ADAMTSL1: variants seen among roughly 807,000 people sequenced by gnomAD.
The protein encoded by ADAMTSL1 is ADAMTS like 1, also known as ADAMTS-like protein 1.
ADAMTSL1 carries 126 observed loss-of-function variants against 201.8 expected under a neutral mutation model. That is an observed-to-expected ratio of 0.62 (90% CI 0.54 to 0.72). The LOEUF (loss-of-function observed/expected upper bound fraction) is 0.72, where lower values mean the gene tolerates loss of function less well. Ranked by LOEUF, ADAMTSL1 falls within the 30% of genes least tolerant of loss-of-function variation. The pLI is 0.00. For missense variants in ADAMTSL1, 2,679 were observed against 2,277.8 expected (o/e 1.18, Z -3.59); for synonymous variants, 1,121 against 903.4 (o/e 1.24, Z -4.32).
intron 13 of ADAMTSL1, among the ~76,000 whole-genome samples, chr9:18,698,370 A>G (rs1223031593): frequency 6.6e-6 from 1 of 151,678 alleles, no homozygotes; most frequent in African/African-American, 2.4e-5. Context: ...TGCAACCTCC[A>G]CCTCCTGAGT....
chr9:18,192,706 T>C (rs1829017022), intron 2 of ADAMTSL1, among the ~76,000 whole-genome samples: 1 of 152,018 alleles, frequency 6.6e-6, no homozygotes, highest in Admixed American at 6.6e-5. Context: ...TCAAAAAACA[T>C]TTACAGTACT....
chr9:18,219,286 T>C (rs1830167347), intron 2 of ADAMTSL1, among the ~76,000 whole-genome samples: 1 of 151,822 alleles, frequency 6.6e-6, no homozygotes, highest in Non-Finnish European at 1.5e-5. Flanking sequence ...GGATAACTGC[T>C]ATCTTCATGA....
chr9:18,656,874 A>T (rs376025239), intron 7 of ADAMTSL1, among the ~76,000 whole-genome samples: 1 of 151,934 alleles, frequency 6.6e-6, no homozygotes, highest in African/African-American at 2.4e-5. Flanking sequence ...TCTTCAGTTT[A>T]TGTTTTCTCA....
At chr9:18,252,930 A>C (rs1480604087) in intron 2 of ADAMTSL1, among the ~76,000 whole-genome samples, 1 of 152,218 alleles carries the variant, frequency 6.6e-6, no homozygotes, top group Non-Finnish European at 1.5e-5. Context: ...CATATGTTAC[A>C]CTATGTTTAT....
chr9:18,324,562 T>C (rs1834752529), intron 2 of ADAMTSL1, among the ~76,000 whole-genome samples: 1 of 151,964 alleles, frequency 6.6e-6, no homozygotes, highest in Non-Finnish European at 1.5e-5. Flanking sequence ...GTTGGGAGTT[T>C]GAAACCAGCC....
At chr9:18,231,750 C>A (rs1418699812) in intron 2 of ADAMTSL1, among the ~76,000 whole-genome samples, 1 of 152,220 alleles carries the variant, frequency 6.6e-6, no homozygotes, top group African/African-American at 2.4e-5. Flanking sequence ...TCTGGATCTT[C>A]TCCCCATGTC....
chr9:18,466,442 G>A (rs1821008879), intron 2 of ADAMTSL1, among the ~76,000 whole-genome samples: 1 of 152,038 alleles, frequency 6.6e-6, no homozygotes, highest in South Asian at 2.1e-4. Context: ...ATAATTTCAA[G>A]TAGGAAAGAT....
chr9:18,094,441 C>T (rs903397369), intron 1 of ADAMTSL1, among the ~76,000 whole-genome samples: 4 of 152,160 alleles, frequency 2.6e-5, no homozygotes, highest in African/African-American at 7.2e-5. Context: ...CTCCTTCCCC[C>T]ATACACCCTT....
chr9:18,420,018 G>A (rs757612011), intron 2 of ADAMTSL1, among the ~76,000 whole-genome samples: 16 of 152,208 alleles, frequency 1.1e-4, no homozygotes, highest in Middle Eastern at 6.8e-3. Flanking sequence ...GTGAGCCACC[G>A]TGCCTGGCCT....
intron 2 of ADAMTSL1, among the ~76,000 whole-genome samples, chr9:18,469,073 A>T (rs1477830799): frequency 6.6e-6 from 1 of 152,154 alleles, no homozygotes; most frequent in Non-Finnish European, 1.5e-5. Context: ...CTCTCTGCTT[A>T]CTCTGTTCTC....
At chr9:18,691,938 A>C (rs1198883912) in intron 13 of ADAMTSL1, among the ~76,000 whole-genome samples, 2 of 152,154 alleles carry the variant, frequency 1.3e-5, no homozygotes, top group Non-Finnish European at 2.9e-5. Context: ...TCTTTAAGGG[A>C]GTTAAGATGT....
chr9:18,103,944 A>T (rs1185120398), intron 1 of ADAMTSL1, among the ~76,000 whole-genome samples: 1 of 152,228 alleles, frequency 6.6e-6, no homozygotes, highest in Non-Finnish European at 1.5e-5. Context: ...GTATTAGCAT[A>T]TTGAAAGCCC....
At chr9:17,931,512 A>G (rs773064305) in intron 1 of ADAMTSL1, among the ~76,000 whole-genome samples, 1 of 152,206 alleles carries the variant, frequency 6.6e-6, no homozygotes, top group Non-Finnish European at 1.5e-5. Context: ...AGAAAAATGT[A>G]CATTTAAACT....
At chr9:18,154,339 C>T (rs1452298990) in intron 1 of ADAMTSL1, among the ~76,000 whole-genome samples, 1 of 152,022 alleles carries the variant, frequency 6.6e-6, no homozygotes, top group African/African-American at 2.4e-5. Flanking sequence ...CTTGTGCATC[C>T]ACTGGGGCTG....
chr9:18,131,595 C>CT (rs1757286095), intron 1 of ADAMTSL1, among the ~76,000 whole-genome samples: 1 of 152,198 alleles, frequency 6.6e-6, no homozygotes, highest in Non-Finnish European at 1.5e-5. Flanking sequence ...CTCTCCTAGT[C>CT]TTCCATAGAC....
At position 18,887,891 on chromosome 9, in the gene ADAMTSL1, T is replaced by A; in HGVS notation, c.4310T>A (p.Ile1437Asn). ...ACCTGGTTTCATGGTGGTCAGCCAA[T>A]TGTCACTGCCACAGGACTGACGCAT... ...NITWFHGGQP[I>N]VTATGLTHHI... Residue 1437 changes from isoleucine to asparagine, a missense_variant, in exon 24 of 29, where the codon ATT (isoleucine) becomes AAT (asparagine). Transcript: ENST00000380548. 3 of 1,613,992 alleles carry A rather than the reference T, an allele frequency of 1.9e-6. No homozygotes were observed. Among genetic ancestry groups the A allele is most frequent in the Non-Finnish European group, 2.5e-6 (3 of 1,179,888 alleles).
intron 22 of ADAMTSL1, 47 bp from the exon 23 acceptor site, chr9:18,829,796 C>T: frequency 6.2e-7 from 1 of 1,611,096 alleles, no homozygotes; most frequent in South Asian, 1.1e-5. Flanking sequence ...TGCCTTGACA[C>T]AGCCCTGTGC....
Position 18,108,525 on chromosome 9 carries a change from G to T in ADAMTSL1, c.88-55337G>T, listed in dbSNP as rs369794198. Among the ~76,000 whole-genome samples, 556 of 152,100 alleles carry T rather than the reference G, an allele frequency of 3.7e-3. 5 individuals are homozygous for T. Among genetic ancestry groups the T allele is most frequent in the African/African-American group, 0.012 (518 of 41,516 alleles). On this transcript the variant is annotated intron_variant, in intron 1 of 29. Coordinates refer to the ADAMTSL1 transcript ENST00000680146. ...GAGAATCATGATCTTAAAGGCTCTTGGAAGCCAGATCACAGAGAAGGTTAA... is the reference window on the plus strand; with the variant it reads ...GAGAATCATGATCTTAAAGGCTCTTTGAAGCCAGATCACAGAGAAGGTTAA...
intron 4 of ADAMTSL1, among the ~76,000 whole-genome samples, chr9:18,581,484 C>T (rs564127049): frequency 6.6e-6 from 1 of 152,286 alleles, no homozygotes; most frequent in Admixed American, 6.5e-5. Flanking sequence ...CACCTGATCC[C>T]AATATCCCAA....
Sources: allele counts gnomAD v4.1 joint callset (sites outside exome capture counted in the v4.1 genomes callset), GRCh38; gene constraint gnomAD v4.1.1; transcripts MANE v1.5; gene names NCBI Gene and HGNC (gene_info 2026-07-23, HGNC 2026-07-21).